The following ZNF347 variants were observed in gnomAD, a reference collection of about 807,000 sequenced individuals.
ZNF347 encodes zinc finger protein 347.
ZNF347 carries 19 observed loss-of-function variants against 12.9 expected under a neutral mutation model. The observed-to-expected ratio is 1.47, with a 90% confidence interval of 1.03 to 2.16. The LOEUF (loss-of-function observed/expected upper bound fraction) is 2.16, where lower values mean the gene tolerates loss of function less well. Ranked by LOEUF, ZNF347 falls within the 30% of genes most tolerant of loss-of-function variation. ZNF347 has a pLI of 0.00. For missense variants in ZNF347, 1,005 were observed against 990.6 expected (o/e 1.01, Z -0.19); for synonymous variants, 328 against 340.6 (o/e 0.96, Z 0.41).
rs1156259064 is a variant in ZNF347 at position 53,136,309 on chromosome 19, AAAC to A, written c.*3996_*3998del. The A allele has an allele frequency of 6.6e-6, 1 of 151,918 alleles. No homozygotes were observed. The highest frequency in any genetic ancestry group is 2.4e-5 in the African/African-American group (1 of 41,312). The allele number at this position is 151,918 out of a possible 1,614,324, so 9.4% of individuals were successfully genotyped here. ...TTTCATGTCACAAAATTTTATTTCT[AAAC>A]AACACCCTCATTTATGTATTTTCTA... On this transcript the variant is annotated 3_prime_UTR_variant, in exon 5 of 5. Transcript: ENST00000334197.
chr19:53,141,610 A>G lies in ZNF347; in HGVS notation c.1218T>C (p.Cys406=). Residue 406 remains cysteine, a synonymous_variant, in exon 5 of 5, where the codon TGT becomes TGC. Transcript: ENST00000334197. ...SGEKPYKCNE[C]GKVFTQNSHL... ...GTGAATTTTGAGTGAAGACCTTGCC[A>G]CATTCATTACATTTGTAAGGTTTTT... 1 of 1,614,058 alleles carries G rather than the reference A, an allele frequency of 6.2e-7. No individual in the cohort carries two copies. The highest frequency in any genetic ancestry group is 8.5e-7 in the Non-Finnish European group (1 of 1,179,986).
At chr19:53,153,472 A>G (rs890791790) in intron 2 of ZNF347, among the ~76,000 whole-genome samples, 1 of 151,746 alleles carries the variant, frequency 6.6e-6, no homozygotes, top group Non-Finnish European at 1.5e-5. Flanking sequence ...ACACCACAGG[A>G]CCCTCACCCC....
chr19:53,155,414 C>G (rs1469929955), intron 1 of ZNF347, among the ~76,000 whole-genome samples: 1 of 151,674 alleles, frequency 6.6e-6, no homozygotes, highest in Non-Finnish European at 1.5e-5. Flanking sequence ...CTTACTGCAG[C>G]CTCAAGCTCT....
chr19:53,142,136 T>A lies in ZNF347; in HGVS notation c.692A>T (p.Lys231Ile). 6.2e-7 allele frequency: 1 copy of A among 1,613,954 alleles called. No individual in the cohort carries two copies. The highest frequency in any genetic ancestry group is 8.5e-7 in the Non-Finnish European group (1 of 1,179,980). The change falls in exon 5 of 5, where the codon AAA becomes ATA. Residue 231 changes from lysine to isoleucine, a missense_variant. By Grantham distance (102) the Lys-to-Ile change is moderately radical. Transcript: ENST00000334197. ...GAGATATTTCTTAGAAATGTGGGTT[T>A]TGACATTATAAGGCATTTGTTGAGG... ...SPPQQMPYNVKTHISKKYLKD... is the reference protein window; with the variant it reads ...SPPQQMPYNVITHISKKYLKD...
intron 4 of ZNF347, among the ~76,000 whole-genome samples, chr19:53,144,880 T>C (rs1044475839): frequency 1.3e-5 from 2 of 152,120 alleles, no homozygotes; most frequent in African/African-American, 4.8e-5. Flanking sequence ...CAGGATAGAT[T>C]ATATGTTAAG....
chr19:53,141,004 A>T lies in ZNF347; in HGVS notation c.1824T>A (p.His608Gln). 6.2e-7 allele frequency: 1 copy of T among 1,610,478 alleles called. No individual in the cohort carries two copies. The highest frequency in any genetic ancestry group is 8.5e-7 in the Non-Finnish European group (1 of 1,179,184). The change falls in exon 5 of 5, where the codon CAT becomes CAA. Residue 608 changes from histidine to glutamine, a missense_variant. Physicochemically the swap from His to Gln is conservative, Grantham distance 24. Transcript: ENST00000334197. ...KCNECGKVFR[H>Q]NSYLSRHQRI... ...GCTGATGCCTTGAAAGGTATGAATT[A>T]TGCCTAAAGACCTTGCCACATTCAT...
At position 53,140,756 on chromosome 19, in the gene ZNF347, C is replaced by T. The variant is rs1295212520; in HGVS notation, c.2072G>A (p.Ser691Asn). 6.2e-7 allele frequency: 1 copy of T among 1,612,474 alleles called. No homozygotes were observed. Among genetic ancestry groups the T allele is most frequent in the Non-Finnish European group, 8.5e-7 (1 of 1,179,120 alleles). Reference sequence around the variant, plus strand: ...ATGCCTTGCAAGCTTTGATGTTTGACTAAAGGCTTTGCCACATTCATTACA... The same window carrying T: ...ATGCCTTGCAAGCTTTGATGTTTGATTAAAGGCTTTGCCACATTCATTACA... ...YQCNECGKAF[S>N]QTSKLARHQR... Residue 691 changes from serine to asparagine, a missense_variant, in exon 5 of 5, where the codon AGT (serine) becomes AAT (asparagine). By Grantham distance (46) the Ser-to-Asn change is conservative (BLOSUM62 1). Coordinates refer to ENST00000334197, the MANE Select transcript of ZNF347 (RefSeq NM_032584.3).
chr19:53,135,689 C>T lies in ZNF347; in HGVS notation c.*4619G>A, dbSNP rs528886267. 1.3e-5 allele frequency: 2 copies of T among 152,148 alleles called. No individual in the cohort carries two copies. Among genetic ancestry groups the T allele is most frequent in the Non-Finnish European group, 2.9e-5 (2 of 68,000 alleles). The allele number at this position is 152,148 out of a possible 1,614,324, so 9.4% of individuals were successfully genotyped here. A position where few individuals can be genotyped will look rare whatever the true frequency, so the allele number is the denominator to read the frequency against. On this transcript the variant is annotated 3_prime_UTR_variant, in exon 5 of 5. Coordinates refer to ENST00000334197, the MANE Select transcript of ZNF347 (RefSeq NM_032584.3). The stretch of plus-strand genomic sequence containing the variant: ...TGCCCAGCCTAATTTGATTATTTTG[C>T]TTATCTGTCCTAAGTTTCCTCACCT...
intron 1 of ZNF347, among the ~76,000 whole-genome samples, chr19:53,155,294 C>CTGTGTGTGTGTGTGTG (rs61275588): frequency 1.4e-5 from 2 of 141,818 alleles, no homozygotes; most frequent in African/African-American, 2.6e-5. Flanking sequence ...AGACTTTATT[C>CTGTGTGTGTGTGTGTG]TGTGTGTGTG....
At chr19:53,148,631 C>T in intron 4 of ZNF347, 50 bp downstream of exon 4, 2 of 1,567,002 alleles carry the variant, frequency 1.3e-6, no homozygotes, top group Non-Finnish European at 1.7e-6. Context: ...ATAGAGTTTC[C>T]CAAACACTAT....
At chr19:53,147,064 C>T (rs867022556) in intron 4 of ZNF347, among the ~76,000 whole-genome samples, 5 of 151,862 alleles carry the variant, frequency 3.3e-5, no homozygotes, top group Admixed American at 2.6e-4. Context: ...AGCAAGACCT[C>T]GGCTCTACTA....
Position 53,141,558 on chromosome 19 carries a change from T to G in ZNF347, c.1270A>C (p.Thr424Pro). The change falls in exon 5 of 5, where the codon ACT becomes CCT. Residue 424 changes from threonine to proline, a missense_variant. Thr to Pro is a conservative substitution (Grantham distance 38, BLOSUM62 -1). Transcript: ENST00000334197. ...SHLTNHWRIH[T>P]GEKPYKCNEC... ...TTACACTTGTAAGGTTTCTCTCCAGTGTGAATTCTCCAGTGATTTGTAAGG... is the reference window on the plus strand; with the variant it reads ...TTACACTTGTAAGGTTTCTCTCCAGGGTGAATTCTCCAGTGATTTGTAAGG... The G allele has an allele frequency of 6.2e-7, 1 of 1,614,022 alleles. No individual in the cohort carries two copies. The highest frequency in any genetic ancestry group is 2.2e-5 in the East Asian group (1 of 44,874).
intron 4 of ZNF347, among the ~76,000 whole-genome samples, chr19:53,143,604 C>A (rs544055972): frequency 6.6e-6 from 1 of 151,820 alleles, no homozygotes; most frequent in African/African-American, 2.4e-5. Context: ...ATATGTGCCA[C>A]GTTTTCTTAA....
chr19:53,141,929 G>A lies in ZNF347; in HGVS notation c.899C>T (p.Thr300Ile). 1 of 1,613,684 alleles carries A rather than the reference G, an allele frequency of 6.2e-7. No homozygotes were observed. ...KCYECGKAFR[T>I]RSNLTTHQVI... ...CTGATGGGTAGTTAGGTTTGAACGT[G>A]TTCTAAAGGCTTTGCCACACTCATA... Residue 300 changes from threonine (T) to isoleucine (I), a missense_variant, in exon 5 of 5, where the codon ACA becomes ATA. Transcript: ENST00000334197.
chr19:53,152,465 G>A (rs2090504864), intron 2 of ZNF347, among the ~76,000 whole-genome samples: 1 of 151,946 alleles, frequency 6.6e-6, no homozygotes, highest in South Asian at 2.1e-4. Flanking sequence ...AAACTAGCTG[G>A]GCATGGTGGC....
At chr19:53,146,158 A>G (rs2090462006) in intron 4 of ZNF347, among the ~76,000 whole-genome samples, 1 of 151,594 alleles carries the variant, frequency 6.6e-6, no homozygotes, top group African/African-American at 2.4e-5. Flanking sequence ...TATTTTTAGT[A>G]GAGATGGGGT....
rs2090413728 is a variant in ZNF347, at chr19:53,140,435, G to C, written c.2393C>G (p.Pro798Arg). The C allele has an allele frequency of 1.2e-6, 2 of 1,613,990 alleles. No individual in the cohort carries two copies. The highest frequency in any genetic ancestry group is 1.7e-5 in the Admixed American group (1 of 60,016). ...TGEKPYECGK[P>R]FSICSSLTTH... ...AGTTAGGCTTGAACAGATACTAAAG[G>C]GTTTCCCACACTCATATGGTTTCTC... The change falls in exon 5 of 5, where the codon CCC (proline) becomes CGC (arginine). Residue 798 changes from proline (P) to arginine (R), a missense_variant. Pro to Arg is a moderately radical substitution (Grantham distance 103). Transcript: ENST00000334197.
At position 53,141,241 on chromosome 19, in the gene ZNF347, T is replaced by G. The variant is rs1236989291; in HGVS notation, c.1587A>C (p.Ala529=). The G allele has an allele frequency of 6.2e-7, 1 of 1,613,974 alleles. No individual in the cohort carries two copies. The highest frequency in any genetic ancestry group is 1.7e-5 in the Admixed American group (1 of 59,978). ...GKVFTQNSHL[A]NHQRIHTGVK... ...CTCCAGTATGAATTCTTTGATGATT[T>G]GCAAGGTGTGAATTTTGAGTGAAGA... The change falls in exon 5 of 5, where the codon GCA becomes GCC. Residue 529 remains alanine, a synonymous_variant. Coordinates refer to ENST00000334197, the MANE Select transcript of ZNF347 (RefSeq NM_032584.3).
chr19:53,142,045 G>A lies in ZNF347; in HGVS notation c.783C>T (p.Tyr261=), dbSNP rs77315685. ...GQKANNWGSP[Y]KSNGCGMVFP... ...AGACCATGCCACATCCATTAGATTT[G>A]TAAGGGCTTCCCCAATTATTTGCTT... is the stretch of plus-strand genomic sequence containing the variant. The change falls in exon 5 of 5, where the codon TAC becomes TAT. Residue 261 remains tyrosine (Y), a synonymous_variant. Transcript: ENST00000334197. 52 of 1,613,888 alleles carry A rather than the reference G, an allele frequency of 3.2e-5. No homozygotes were observed. The East Asian group carries it at 1.1e-3, about 35-fold the overall frequency.
Sources: gnomAD v4.1 joint callset for allele counts (sites outside exome capture counted in the v4.1 genomes callset) on GRCh38, gnomAD v4.1.1 for gene constraint, MANE v1.5 for transcripts, NCBI Gene and HGNC (gene_info 2026-07-23, HGNC 2026-07-21) for gene names.